The following PACRG variants were observed in gnomAD, a reference collection of about 807,000 sequenced individuals.
PACRG encodes parkin coregulated, also known as parkin coregulated gene protein.
PACRG carries 29 observed loss-of-function variants against 29.7 expected under a neutral mutation model. That is an observed-to-expected ratio of 0.98 (90% confidence interval 0.73 to 1.33). PACRG has a LOEUF of 1.33. Ranked by LOEUF, PACRG falls within the 40% of genes most tolerant of loss-of-function variation. The pLI is 0.00. For missense variants in PACRG, 279 were observed against 316.2 expected (o/e 0.88, Z 0.89); for synonymous variants, 116 against 118.7 (o/e 0.98, Z 0.15).
chr6:163,122,636 T>C (rs1168749329), intron 4 of PACRG, among the ~76,000 whole-genome samples: 1 of 152,128 alleles, frequency 6.6e-6, no homozygotes, highest in Non-Finnish European at 1.5e-5. Context: ...GCCCCAGAAG[T>C]AGACACTGGT....
intron 3 of PACRG, among the ~76,000 whole-genome samples, chr6:163,062,636 A>G (rs1455016814): frequency 6.6e-6 from 1 of 152,134 alleles, no homozygotes; most frequent in African/African-American, 2.4e-5. Context: ...GCTAACTTCC[A>G]AGTCTTTTTT....
intron 2 of PACRG, among the ~76,000 whole-genome samples, chr6:162,973,762 G>T (rs1042821269): frequency 1.4e-5 from 2 of 145,994 alleles, no homozygotes; most frequent in African/African-American, 2.7e-5. Flanking sequence ...TAGTGTGTGT[G>T]TATGTGTGTG....
At chr6:162,956,829 C>T (rs935289922) in intron 2 of PACRG, among the ~76,000 whole-genome samples, 1 of 152,152 alleles carries the variant, frequency 6.6e-6, no homozygotes, top group African/African-American at 2.4e-5. Flanking sequence ...GCTCACATCA[C>T]GAGGCCCTGG....
At chr6:162,973,196 C>G (rs1801672688) in intron 2 of PACRG, among the ~76,000 whole-genome samples, 1 of 152,184 alleles carries the variant, frequency 6.6e-6, no homozygotes, top group Admixed American at 6.5e-5. Flanking sequence ...CATCAGTCCT[C>G]AACTTGGCCC....
chr6:162,980,723 G>T (rs955951972), intron 2 of PACRG, among the ~76,000 whole-genome samples: 1 of 152,098 alleles, frequency 6.6e-6, no homozygotes, highest in Non-Finnish European at 1.5e-5. Context: ...TTATGTGGAA[G>T]ATATTTCATA....
rs373751124 is a variant in PACRG, at chr6:163,217,238, A to G, written c.614-97589A>G. ...CCGATTGTTGTAGGTATGATGCCCA[A>G]AGGCTAAAACAAGCTCCTGGCAAGC... On this transcript the variant is annotated intron_variant, in intron 4 of 4. Coordinates refer to ENST00000366888, the MANE Select transcript of PACRG (RefSeq NM_001080379.2). 2.4e-4 allele frequency among the ~76,000 whole-genome samples: 37 copies of G among 152,300 alleles called. No homozygotes were observed. In the East Asian group the frequency reaches 6.2e-3, roughly 26 times the overall value.
At chr6:162,747,355 T>TATATAC (rs1334823228) in intron 1 of PACRG, among the ~76,000 whole-genome samples, 1 of 73,694 alleles carries the variant, frequency 1.4e-5, no homozygotes, top group Non-Finnish European at 2.3e-5. Flanking sequence ...TATATATATA[T>TATATAC]ATATATATAC....
At chr6:162,808,358 G>A (rs545975246) in intron 1 of PACRG, among the ~76,000 whole-genome samples, 34 of 152,294 alleles carry the variant, frequency 2.2e-4, no homozygotes, top group African/African-American at 7.9e-4. Flanking sequence ...TATTGTTTCA[G>A]TGTTCTAGTG....
At position 162,992,990 on chromosome 6, in the gene PACRG, C is replaced by T. The variant is rs1406372587; in HGVS notation, c.292-69160C>T. Among the ~76,000 whole-genome samples, 317 of 150,210 alleles carry T rather than the reference C, an allele frequency of 2.1e-3. 4 individuals carry two copies. Among genetic ancestry groups the T allele is most frequent in the African/African-American group, 7.4e-3 (303 of 40,754 alleles). On this transcript the variant is annotated intron_variant, in intron 2 of 4. Transcript: ENST00000366888. ...AACATCTTTATTTCTGCCTTCATTT[C>T]GTTATGTACCCAGTAGTCATTCAGG...
intron 4 of PACRG, among the ~76,000 whole-genome samples, chr6:163,150,406 T>C (rs1160498236): frequency 2.6e-5 from 4 of 152,190 alleles, no homozygotes; most frequent in Non-Finnish European, 5.9e-5. Flanking sequence ...CTTCTGTCCC[T>C]CTGGGACCTT....
At chr6:162,803,529 TAAAG>T (rs1786058038) in intron 1 of PACRG, among the ~76,000 whole-genome samples, 1 of 152,060 alleles carries the variant, frequency 6.6e-6, no homozygotes, top group African/African-American at 2.4e-5. Context: ...AAAGAGCAAA[TAAAG>T]AAAAGACAGA....
chr6:163,294,141 AGG>A (rs1784707195), intron 4 of PACRG, among the ~76,000 whole-genome samples: 1 of 152,206 alleles, frequency 6.6e-6, no homozygotes, highest in African/African-American at 2.4e-5. Flanking sequence ...AAAATAGATG[AGG>A]AAATTGTACT....
intron 4 of PACRG, among the ~76,000 whole-genome samples, chr6:163,125,214 T>C (rs775358656): frequency 2.0e-5 from 3 of 152,192 alleles, no homozygotes; most frequent in Non-Finnish European, 4.4e-5. Flanking sequence ...GAAAATAAAG[T>C]CAGGAGGTAT....
At chr6:163,210,983 T>C (rs1394049033) in intron 4 of PACRG, among the ~76,000 whole-genome samples, 1 of 152,202 alleles carries the variant, frequency 6.6e-6, no homozygotes, top group East Asian at 1.9e-4. Flanking sequence ...TTCGTTCAAA[T>C]AATAAGAACT....
intron 4 of PACRG, among the ~76,000 whole-genome samples, chr6:163,218,447 A>G (rs1781450198): frequency 6.6e-6 from 1 of 152,010 alleles, no homozygotes; most frequent in African/African-American, 2.4e-5. Flanking sequence ...TCTCTCTTCA[A>G]CAGAACTCCT....
chr6:163,084,472 C>T (rs1452894502), intron 3 of PACRG, among the ~76,000 whole-genome samples: 1 of 152,180 alleles, frequency 6.6e-6, no homozygotes, highest in Non-Finnish European at 1.5e-5. Flanking sequence ...TAAGAAATCC[C>T]TGTTGGACGA....
intron 4 of PACRG, chr6:163,101,579 T>A (rs1815089339): frequency 3.5e-6 from 1 of 286,226 alleles, no homozygotes; most frequent in Non-Finnish European, 5.2e-6. Context: ...CTTTTCTATT[T>A]TTTTGATGAC....
chr6:162,983,794 C>G (rs1802637504), intron 2 of PACRG, among the ~76,000 whole-genome samples: 1 of 151,862 alleles, frequency 6.6e-6, no homozygotes, highest in Non-Finnish European at 1.5e-5. Flanking sequence ...TAGGTGACAA[C>G]TTTTTTGTGA....
intron 4 of PACRG, among the ~76,000 whole-genome samples, chr6:163,219,161 T>G (rs750519188): frequency 3.3e-5 from 5 of 152,206 alleles, no homozygotes; most frequent in Admixed American, 2.0e-4. Flanking sequence ...TCTAAATAGG[T>G]GATTTAGAAT....
Sources: allele counts gnomAD v4.1 joint callset (sites outside exome capture counted in the v4.1 genomes callset), GRCh38; gene constraint gnomAD v4.1.1; transcripts MANE v1.5; gene names NCBI Gene and HGNC (gene_info 2026-07-23, HGNC 2026-07-21).